Variants in BMPR1B observed in about 807,000 individuals in gnomAD.
BMPR1B encodes the protein bone morphogenetic protein receptor type-1B.
BMPR1B carries 12 observed loss-of-function variants against 59.1 expected under a neutral mutation model. The observed-to-expected ratio is 0.20, with a 90% CI of 0.13 to 0.33. The LOEUF is 0.33. Among genes scored for constraint, BMPR1B ranks in the 10% least tolerant of loss-of-function variants. BMPR1B has a pLI of 1.00. For synonymous variants in BMPR1B, 237 were observed against 207.3 expected (o/e 1.14, Z -1.23); for missense variants, 550 against 610.9 (o/e 0.90, Z 1.05).
intron 10 of BMPR1B, among the ~76,000 whole-genome samples, chr4:95,132,536 G>A (rs544328286): frequency 6.6e-6 from 1 of 152,160 alleles, no homozygotes; most frequent in South Asian, 2.1e-4. Context: ...CAAAGCAAGA[G>A]GAAATGATTT....
At chr4:94,993,049 T>G (rs944996720) in intron 2 of BMPR1B, among the ~76,000 whole-genome samples, 1 of 152,138 alleles carries the variant, frequency 6.6e-6, no homozygotes, top group African/African-American at 2.4e-5. Flanking sequence ...TTTAAGTTTT[T>G]TATTTAATTT....
rs372239824 is a variant in BMPR1B at position 94,959,502 on chromosome 4, A to G, written c.-112-36538A>G. Among the ~76,000 whole-genome samples, 4 of 152,136 alleles carry G rather than the reference A, an allele frequency of 2.6e-5. No individual in the cohort carries two copies. The East Asian group carries it at 5.8e-4, about 22-fold the overall frequency. ...AGTAAGCATTTTGCAGAGATTCCTC[A>G]AAGTTGAATATTACTTTGGGTTTAT... On this transcript the variant is annotated intron_variant, in intron 2 of 12. Transcript: ENST00000515059.
intron 3 of BMPR1B, among the ~76,000 whole-genome samples, chr4:95,048,177 T>G (rs1407232362): frequency 6.6e-6 from 1 of 152,226 alleles, no homozygotes; most frequent in Admixed American, 6.5e-5. Context: ...TACCATATTT[T>G]CTTTATCCAG....
chr4:94,845,404 G>T (rs962105879), intron 1 of BMPR1B, among the ~76,000 whole-genome samples: 4 of 150,850 alleles, frequency 2.7e-5, no homozygotes, highest in African/African-American at 9.7e-5. Context: ...GTGCAGTGGC[G>T]CGATCTTGGC....
intron 2 of BMPR1B, among the ~76,000 whole-genome samples, chr4:94,902,707 A>C (rs1007270309): frequency 6.6e-6 from 1 of 151,992 alleles, no homozygotes; most frequent in African/African-American, 2.4e-5. Context: ...TGGGAATTTC[A>C]TATCTCTTTG....
Position 95,157,382 on chromosome 4 carries a change from T to A in BMPR1B, c.*2709T>A, listed in dbSNP as rs1165295896. Reference sequence around the variant, plus strand: ...AAGACTACTCATTTCCCAATAATCCTTTATGATTTCAAAATTTCTAGTGGC... The same window carrying A: ...AAGACTACTCATTTCCCAATAATCCATTATGATTTCAAAATTTCTAGTGGC... On this transcript the variant is annotated 3_prime_UTR_variant, in exon 13 of 13. Coordinates refer to ENST00000515059, the MANE Select transcript of BMPR1B (RefSeq NM_001203.3). 1 of 152,088 alleles carries A rather than the reference T, an allele frequency of 6.6e-6. No homozygotes were observed. Among genetic ancestry groups the A allele is most frequent in the Non-Finnish European group, 1.5e-5 (1 of 67,964 alleles). 9.4% of individuals were successfully genotyped at this position (152,088 alleles called of 1,614,324 possible). A position where few individuals can be genotyped will look rare whatever the true frequency, so the allele number is the denominator to read the frequency against.
intron 3 of BMPR1B, among the ~76,000 whole-genome samples, chr4:95,083,145 A>G (rs887656190): frequency 1.3e-5 from 2 of 151,622 alleles, no homozygotes; most frequent in Non-Finnish European, 2.9e-5. Flanking sequence ...AACTCAGGGC[A>G]TGCAGGTACA....
At chr4:94,912,000 A>G (rs535941049) in intron 2 of BMPR1B, among the ~76,000 whole-genome samples, 1 of 152,200 alleles carries the variant, frequency 6.6e-6, no homozygotes, top group Non-Finnish European at 1.5e-5. Flanking sequence ...TTACAGTTCC[A>G]TGTGGCTAGG....
intron 3 of BMPR1B, among the ~76,000 whole-genome samples, chr4:95,043,759 T>C (rs920132434): frequency 6.6e-6 from 1 of 152,162 alleles, no homozygotes; most frequent in African/African-American, 2.4e-5. Flanking sequence ...TTTTTCTTTT[T>C]CGAAAGCTAC....
At chr4:95,050,405 A>C (rs1377614026) in intron 3 of BMPR1B, among the ~76,000 whole-genome samples, 1 of 152,204 alleles carries the variant, frequency 6.6e-6, no homozygotes, top group Non-Finnish European at 1.5e-5. Context: ...CTTAAATTTC[A>C]TGAAAGTACT....
At chr4:94,970,326 T>TC (rs1730739505) in intron 2 of BMPR1B, among the ~76,000 whole-genome samples, 1 of 107,514 alleles carries the variant, frequency 9.3e-6, no homozygotes, top group African/African-American at 3.6e-5. Flanking sequence ...CTTTCTCTCT[T>TC]TTTCTCTTTC....
chr4:94,999,198 T>C (rs941001337), intron 3 of BMPR1B, among the ~76,000 whole-genome samples: 1 of 152,152 alleles, frequency 6.6e-6, no homozygotes, highest in Non-Finnish European at 1.5e-5. Context: ...TTAATTCTTT[T>C]ATGCTTCCCC....
intron 3 of BMPR1B, among the ~76,000 whole-genome samples, chr4:95,014,400 A>G (rs1026732139): frequency 6.6e-6 from 1 of 152,220 alleles, no homozygotes; most frequent in African/African-American, 2.4e-5. Context: ...CTAGGGTTTA[A>G]CTACCATTAT....
At chr4:94,758,481 G>A (rs2110550513) in intron 1 of BMPR1B, among the ~76,000 whole-genome samples, 1 of 152,102 alleles carries the variant, frequency 6.6e-6, no homozygotes, top group East Asian at 2.0e-4. Flanking sequence ...GCGGGAGGGC[G>A]AGCTGAGGGC....
intron 3 of BMPR1B, among the ~76,000 whole-genome samples, chr4:95,083,551 G>C (rs1439193462): frequency 6.6e-6 from 1 of 152,104 alleles, no homozygotes; most frequent in East Asian, 1.9e-4. Context: ...AAAAGCGAAA[G>C]GAACTGGAAA....
intron 2 of BMPR1B, among the ~76,000 whole-genome samples, chr4:94,892,769 G>A (rs1192027582): frequency 6.6e-6 from 1 of 152,058 alleles, no homozygotes; most frequent in Non-Finnish European, 1.5e-5. Context: ...AGGTGAATTA[G>A]TAGAGGTGTA....
intron 1 of BMPR1B, among the ~76,000 whole-genome samples, chr4:94,794,839 A>G (rs1319184096): frequency 6.9e-6 from 1 of 145,900 alleles, no homozygotes; most frequent in Non-Finnish European, 1.5e-5. Context: ...TTGGTGTATA[A>G]GAATGCTTGT....
At chr4:95,035,852 T>C (rs1725204113) in intron 3 of BMPR1B, among the ~76,000 whole-genome samples, 1 of 152,208 alleles carries the variant, frequency 6.6e-6, no homozygotes, top group Non-Finnish European at 1.5e-5. Context: ...TTACATTGAA[T>C]TTGTAGATTG....
At position 94,981,011 on chromosome 4, in the gene BMPR1B, A is replaced by T. The variant is rs1404510624; in HGVS notation, c.-112-15029A>T. 3.1e-4 allele frequency among the ~76,000 whole-genome samples: 3 copies of T among 9,786 alleles called. No homozygotes were observed. In the South Asian group the frequency reaches 6.6e-3, roughly 22 times the overall value. The allele number at this position is 9,786 out of a possible 152,430, so 6.4% of individuals were successfully genotyped here. On this transcript the variant is annotated intron_variant, in intron 2 of 12. Coordinates refer to ENST00000515059, the MANE Select transcript of BMPR1B (RefSeq NM_001203.3). ...CTCCATCACACACACACACACACAC[A>T]CACACACACACAAAAAGTAGAAGTT... is the stretch of plus-strand genomic sequence containing the variant.
Sources: allele counts gnomAD v4.1 joint callset (sites outside exome capture counted in the v4.1 genomes callset), GRCh38; gene constraint gnomAD v4.1.1; transcripts MANE v1.5; gene names NCBI Gene and HGNC (gene_info 2026-07-23, HGNC 2026-07-21).